Variants in DTD1 observed in about 807,000 individuals in gnomAD.
DTD1 encodes the protein D-tyrosyl-tRNA deacylase 1 homolog.
In DTD1, 13 loss-of-function variants were observed where a neutral mutation model predicts 25.6. The observed-to-expected ratio is 0.51, with a 90% CI of 0.33 to 0.81. The LOEUF is 0.81. Among genes scored for constraint, DTD1 ranks in the 30% least tolerant of loss-of-function variants. The probability of loss-of-function intolerance (pLI) is 0.02; values close to 1 mark genes in which losing one functional copy is unlikely to be tolerated. For missense variants in DTD1, 193 were observed against 266.4 expected (o/e 0.72, Z 1.92); for synonymous variants, 110 against 103.6 (o/e 1.06, Z -0.37).
At chr20:18,712,273 T>C (rs536678822) in intron 4 of DTD1, among the ~76,000 whole-genome samples, 135 of 152,182 alleles carry the variant, frequency 8.9e-4, no homozygotes, top group African/African-American at 3.2e-3. Flanking sequence ...TTTTGTGCTC[T>C]CCACAGGGAT....
chr20:18,620,877 A>G (rs1224404668), intron 3 of DTD1, among the ~76,000 whole-genome samples: 1 of 152,204 alleles, frequency 6.6e-6, no homozygotes, highest in Non-Finnish European at 1.5e-5. Flanking sequence ...CTATAGGTGC[A>G]TACCGCCTTG....
intron 3 of DTD1, among the ~76,000 whole-genome samples, chr20:18,621,196 T>G (rs2060732570): frequency 6.6e-6 from 1 of 152,210 alleles, no homozygotes; most frequent in Non-Finnish European, 1.5e-5. Context: ...TTCATGACGT[T>G]GCCATTTTTG....
In DTD1 at chr20:18,646,037, A is replaced by G. The variant is rs1464960167; in HGVS notation, c.477+17804A>G. ...CCAAGGCCTTGGATTGCTGCTACAG[A>G]TAGTGGAGGCCTGTTGTTAGGCGTC... On this transcript the variant is annotated intron_variant, in intron 4 of 5. Transcript: ENST00000377452. Among the ~76,000 whole-genome samples, 3 of 152,150 alleles carry G rather than the reference A, an allele frequency of 2.0e-5. No individual in the cohort carries two copies. In the East Asian group the frequency reaches 5.8e-4, roughly 29 times the overall value.
intron 4 of DTD1, among the ~76,000 whole-genome samples, chr20:18,737,261 G>A (rs1260034181): frequency 7.4e-6 from 1 of 135,998 alleles, no homozygotes; most frequent in Admixed American, 7.1e-5. Flanking sequence ...ATCTGCCACG[G>A]TGTGCCTGGG....
chr20:18,761,822 T>G (rs2122544824), intron 5 of DTD1, among the ~76,000 whole-genome samples: 2 of 152,338 alleles, frequency 1.3e-5, no homozygotes, highest in East Asian at 3.9e-4. Flanking sequence ...GGTCCGTAAC[T>G]TGGGTTAACA....
In DTD1 at chr20:18,764,243, G is replaced by A. The variant is rs2061373419; in HGVS notation, c.*903G>A. On this transcript the variant is annotated 3_prime_UTR_variant, in exon 6 of 6. Coordinates refer to ENST00000377452, the MANE Select transcript of DTD1 (RefSeq NM_080820.6). Reference sequence around the variant, plus strand: ...AGGTGGAGGAAGGCCTCAGCATGGCGGGTGGTGCAGATACCCTTTATCCAG... The same window carrying A: ...AGGTGGAGGAAGGCCTCAGCATGGCAGGTGGTGCAGATACCCTTTATCCAG... 1.3e-5 allele frequency: 2 copies of A among 152,348 alleles called. No homozygotes were observed. Among genetic ancestry groups the A allele is most frequent in the South Asian group, 2.1e-4 (1 of 4,818 alleles). The allele number at this position is 152,348 out of a possible 1,614,324, so 9.4% of individuals were successfully genotyped here.
intron 4 of DTD1, among the ~76,000 whole-genome samples, chr20:18,641,576 T>C (rs976880829): frequency 2.6e-5 from 4 of 152,170 alleles, no homozygotes; most frequent in Non-Finnish European, 4.4e-5. Context: ...AAGTGTGAAG[T>C]GTATCTCATT....
intron 4 of DTD1, among the ~76,000 whole-genome samples, chr20:18,671,878 C>T (rs1314084320): frequency 1.3e-5 from 2 of 152,158 alleles, no homozygotes; most frequent in Non-Finnish European, 2.9e-5. Context: ...TCTCCATTTA[C>T]AGTCACCAGA....
At chr20:18,599,400 C>T (rs1238392850) in intron 3 of DTD1, among the ~76,000 whole-genome samples, 2 of 152,150 alleles carry the variant, frequency 1.3e-5, no homozygotes, top group Non-Finnish European at 2.9e-5. Context: ...GTCTCAAACT[C>T]CTGACCTCAG....
chr20:18,756,894 A>T (rs1490876065), intron 5 of DTD1, among the ~76,000 whole-genome samples: 1 of 151,000 alleles, frequency 6.6e-6, no homozygotes, highest in Non-Finnish European at 1.5e-5. Flanking sequence ...GATTCTTCCT[A>T]CCCATGAGCA....
intron 4 of DTD1, among the ~76,000 whole-genome samples, chr20:18,741,564 T>G (rs1222041439): frequency 6.6e-6 from 1 of 152,182 alleles, no homozygotes; most frequent in East Asian, 1.9e-4. Context: ...AACTAGTGTA[T>G]TGAAGTTGGC....
At chr20:18,690,400 C>T (rs2061041227) in intron 4 of DTD1, among the ~76,000 whole-genome samples, 1 of 152,150 alleles carries the variant, frequency 6.6e-6, no homozygotes, top group African/African-American at 2.4e-5. Context: ...ATTTGGGGAC[C>T]TAGCCAAATT....
intron 3 of DTD1, among the ~76,000 whole-genome samples, chr20:18,597,696 T>C (rs942127357): frequency 1.1e-4 from 16 of 152,350 alleles, no homozygotes; most frequent in Middle Eastern, 3.4e-3. Context: ...TTGCCACTTT[T>C]CTTTTCATCA....
intron 4 of DTD1, among the ~76,000 whole-genome samples, chr20:18,687,133 GCT>G (rs200643189): frequency 6.6e-6 from 1 of 152,138 alleles, no homozygotes; most frequent in Non-Finnish European, 1.5e-5. Flanking sequence ...TTCCTAGTGG[GCT>G]GCATTTTTAG....
chr20:18,671,499 C>G (rs781251359), intron 4 of DTD1, among the ~76,000 whole-genome samples: 30 of 152,198 alleles, frequency 2.0e-4, no homozygotes, highest in Non-Finnish European at 3.2e-4. Context: ...ACTTCATAAC[C>G]GAGAGGCTGA....
chr20:18,640,878 G>A lies in DTD1; in HGVS notation c.477+12645G>A, dbSNP rs145220946. Among the ~76,000 whole-genome samples the A allele has an allele frequency of 5.2e-3, 795 of 152,122 alleles. 6 individuals are homozygous for A. Among genetic ancestry groups the A allele is most frequent in the South Asian group, 0.035 (170 of 4,816 alleles). On this transcript the variant is annotated intron_variant, in intron 4 of 5. Transcript: ENST00000377452. Reference sequence around the variant, plus strand: ...ACTCCTGACCTCAAGTGATCTACCCGCTTCGGCCTCCCAAAGTGCTGGGAT... The same window carrying A: ...ACTCCTGACCTCAAGTGATCTACCCACTTCGGCCTCCCAAAGTGCTGGGAT...
chr20:18,701,259 T>C (rs1000352492), intron 4 of DTD1, among the ~76,000 whole-genome samples: 2 of 152,160 alleles, frequency 1.3e-5, no homozygotes, highest in African/African-American at 4.8e-5. Context: ...GTTTTACAGC[T>C]GGAGAGAAAA....
At chr20:18,608,832 T>C (rs1165753779) in intron 3 of DTD1, among the ~76,000 whole-genome samples, 1 of 152,208 alleles carries the variant, frequency 6.6e-6, no homozygotes, top group East Asian at 1.9e-4. Flanking sequence ...ATAATGGTCC[T>C]GGTTTTCAGG....
chr20:18,732,656 A>C (rs1161371514), intron 4 of DTD1, among the ~76,000 whole-genome samples: 1 of 152,216 alleles, frequency 6.6e-6, no homozygotes, highest in African/African-American at 2.4e-5. Flanking sequence ...TGCAGTCGAT[A>C]CCTTGTTCCC....
Sources: allele counts gnomAD v4.1 joint callset (sites outside exome capture counted in the v4.1 genomes callset), GRCh38; gene constraint gnomAD v4.1.1; transcripts MANE v1.5; gene names NCBI Gene and HGNC (gene_info 2026-07-23, HGNC 2026-07-21).